The following SHC4 variants were observed in gnomAD, a reference collection of about 807,000 sequenced individuals.
SHC4 encodes SHC adaptor protein 4, also known as SHC-transforming protein 4.
Under a neutral mutation model 69.4 loss-of-function variants are expected in SHC4, and 41 were observed. The ratio of observed to expected loss-of-function variants is 0.59; its 90% CI spans 0.46 to 0.77. The LOEUF (loss-of-function observed/expected upper bound fraction) is 0.77. SHC4 is among the 30% of genes least tolerant of loss of function. The probability of loss-of-function intolerance (pLI) is 0.00; values close to 1 mark genes in which losing one functional copy is unlikely to be tolerated. For missense variants in SHC4, 777 were observed against 783.8 expected (o/e 0.99, Z 0.10); for synonymous variants, 318 against 299.3 (o/e 1.06, Z -0.64).
intron 1 of SHC4, among the ~76,000 whole-genome samples, chr15:48,927,111 T>C (rs1489702730): frequency 6.6e-5 from 10 of 152,184 alleles, no homozygotes; most frequent in Non-Finnish European, 1.3e-4. Context: ...ATATAGGAAG[T>C]AGGTTAGAAA....
chr15:48,878,359 G>A, intron 4 of SHC4: 1 of 1,613,450 alleles, frequency 6.2e-7, no homozygotes, highest in Non-Finnish European at 8.5e-7. Context: ...TGGAGGAGGA[G>A]GAGGCCCAGC....
intron 5 of SHC4, among the ~76,000 whole-genome samples, chr15:48,868,512 C>T (rs2140991227): frequency 6.6e-6 from 1 of 152,298 alleles, no homozygotes. Context: ...TAAAAACAAA[C>T]CAACAAAACG....
At chr15:48,853,357 C>G (rs1422821924) in intron 8 of SHC4, among the ~76,000 whole-genome samples, 1 of 152,168 alleles carries the variant, frequency 6.6e-6, no homozygotes, top group East Asian at 1.9e-4. Flanking sequence ...AAAAAGCATT[C>G]CATGCTTATG....
At chr15:48,894,694 G>A (rs78043299) in intron 2 of SHC4, among the ~76,000 whole-genome samples, 2 of 152,120 alleles carry the variant, frequency 1.3e-5, no homozygotes, top group Admixed American at 6.5e-5. Context: ...TCTTGAGCAC[G>A]TTTAGTAAAG....
chr15:48,899,111 T>G (rs1343124397), intron 2 of SHC4, among the ~76,000 whole-genome samples: 1 of 151,302 alleles, frequency 6.6e-6, no homozygotes, highest in Admixed American at 6.6e-5. Flanking sequence ...TCAAGCTCAC[T>G]CTAAGCAATG....
At chr15:48,878,027 G>A (rs1479167030) in intron 4 of SHC4, 3 of 991,146 alleles carry the variant, frequency 3.0e-6, no homozygotes, top group Non-Finnish European at 4.4e-6. Context: ...TCCAACCACA[G>A]TGGCGCGCCA....
chr15:48,856,450 C>T (rs950786739), intron 7 of SHC4, among the ~76,000 whole-genome samples: 7 of 152,034 alleles, frequency 4.6e-5, no homozygotes, highest in African/African-American at 1.7e-4. Context: ...CATAAAAATA[C>T]AAAGTATTCT....
intron 1 of SHC4, among the ~76,000 whole-genome samples, chr15:48,958,711 C>T (rs1901492476): frequency 6.6e-6 from 1 of 152,172 alleles, no homozygotes; most frequent in Non-Finnish European, 1.5e-5. Flanking sequence ...TTCCACATTC[C>T]CCACTATGTT....
intron 11 of SHC4, among the ~76,000 whole-genome samples, chr15:48,830,506 G>A (rs755125959): frequency 1.2e-4 from 19 of 152,180 alleles, no homozygotes; most frequent in Non-Finnish European, 2.1e-4. Context: ...ATTGCCTAAT[G>A]CAATTGTCCT....
chr15:48,834,891 G>A lies in SHC4; in HGVS notation c.1615C>T (p.Leu539Phe). Residue 539 changes from leucine (L) to phenylalanine (F), a missense_variant, in exon 11 of 12, where the codon CTC (leucine) becomes TTC (phenylalanine). Coordinates refer to ENST00000332408, the MANE Select transcript of SHC4 (RefSeq NM_203349.4). The stretch of plus-strand genomic sequence containing the variant: ...AAAAAGTCCCCATCCTTTACCAAGA[G>A]GCTCTCTGCCGCCTTCCTGCTCAGC... Reference protein sequence around the residue: ...GKLSRKAAESLLVKDGDFLVR... With the variant: ...GKLSRKAAESFLVKDGDFLVR... 6.2e-7 allele frequency: 1 copy of A among 1,614,130 alleles called. No homozygotes were observed. The highest frequency in any genetic ancestry group is 8.5e-7 in the Non-Finnish European group (1 of 1,180,038).
rs1288489234 is a variant in SHC4 at position 48,856,025 on chromosome 15, A to G, written c.1170T>C (p.Asp390=). 1.2e-6 allele frequency: 2 copies of G among 1,613,972 alleles called. No homozygotes were observed. Among genetic ancestry groups the G allele is most frequent in the Non-Finnish European group, 1.7e-6 (2 of 1,179,882 alleles). The change falls in exon 8 of 12, where the codon GAT becomes GAC. Residue 390 remains aspartate (D), a synonymous_variant. Transcript: ENST00000332408. ...CCGTGGCTTGAACTTTGATCCGCATATCTGAAACACCACCTACTGGTGGCT... is the reference window on the plus strand; with the variant it reads ...CCGTGGCTTGAACTTTGATCCGCATGTCTGAAACACCACCTACTGGTGGCT... The part of the protein sequence containing the change: ...GKQPPVGGVS[D]MRIKVQATEQ...
At chr15:48,866,328 G>A (rs1289259703) in intron 6 of SHC4, among the ~76,000 whole-genome samples, 4 of 152,034 alleles carry the variant, frequency 2.6e-5, no homozygotes, top group African/African-American at 9.7e-5. Flanking sequence ...GTTTAGAGTG[G>A]GTCAGTTTTA....
At position 48,873,537 on chromosome 15, in the gene SHC4, G is replaced by A. The variant is rs144338487; in HGVS notation, c.841-1395C>T. Among the ~76,000 whole-genome samples, 1,196 of 152,286 alleles carry A rather than the reference G, an allele frequency of 7.9e-3. 25 individuals are homozygous for A. Among genetic ancestry groups the A allele is most frequent in the African/African-American group, 0.028 (1,150 of 41,562 alleles). ...TGGCGGGCGGATCATGAGGTCAGGA[G>A]ATTGAGACCATCCTAGCTAACACAG... On this transcript the variant is annotated intron_variant, in intron 4 of 11. Transcript: ENST00000332408.
At chr15:48,848,270 C>A in intron 9 of SHC4, among the ~76,000 whole-genome samples, 2 of 152,208 alleles carry the variant, frequency 1.3e-5, no homozygotes, top group Admixed American at 1.3e-4. Context: ...CTCACCGGAA[C>A]TCAGAAATGG....
chr15:48,912,834 G>A (rs192531133), intron 2 of SHC4, among the ~76,000 whole-genome samples: 1 of 152,256 alleles, frequency 6.6e-6, no homozygotes, highest in Admixed American at 6.5e-5. Context: ...CTTCCTGTGA[G>A]CCGAACTGCA....
At chr15:48,888,993 T>A (rs544058384) in intron 3 of SHC4, among the ~76,000 whole-genome samples, 86 of 150,160 alleles carry the variant, frequency 5.7e-4, no homozygotes, top group African/African-American at 1.9e-3. Flanking sequence ...CTGGAAAGAG[T>A]CCCTGGCTCA....
intron 1 of SHC4, among the ~76,000 whole-genome samples, chr15:48,935,637 C>A (rs1901055365): frequency 6.6e-6 from 1 of 152,064 alleles, no homozygotes; most frequent in Non-Finnish European, 1.5e-5. Context: ...GAATGTGGGT[C>A]GTGTAAGAAG....
chr15:48,853,694 A>G (rs971568319), intron 8 of SHC4, among the ~76,000 whole-genome samples: 3 of 152,218 alleles, frequency 2.0e-5, no homozygotes, highest in Admixed American at 2.0e-4. Context: ...GCACACCTGC[A>G]GCCATTTGAT....
At chr15:48,844,590 T>C (rs1899052889) in intron 9 of SHC4, among the ~76,000 whole-genome samples, 1 of 152,190 alleles carries the variant, frequency 6.6e-6, no homozygotes. Context: ...CCAGAATAGA[T>C]CTCTGCTTTC....
Sources: allele counts gnomAD v4.1 joint callset (sites outside exome capture counted in the v4.1 genomes callset), GRCh38; gene constraint gnomAD v4.1.1; transcripts MANE v1.5; gene names NCBI Gene and HGNC (gene_info 2026-07-23, HGNC 2026-07-21).